SORCS3: variants seen among roughly 807,000 people sequenced by gnomAD.
The protein encoded by SORCS3 is VPS10 domain-containing receptor SorCS3.
SORCS3 carries 57 observed loss-of-function variants against 146.3 expected under a neutral mutation model. The observed-to-expected ratio is 0.39, with a 90% CI of 0.31 to 0.49. SORCS3 has a LOEUF of 0.49. Among genes scored for constraint, SORCS3 ranks in the 20% least tolerant of loss-of-function variants. The pLI is 0.92. For synonymous variants in SORCS3, 653 were observed against 618.5 expected (o/e 1.06, Z -0.83); for missense variants, 1,341 against 1,575.5 (o/e 0.85, Z 2.52).
At chr10:104,736,011 G>T (rs968392212) in intron 1 of SORCS3, among the ~76,000 whole-genome samples, 2 of 152,042 alleles carry the variant, frequency 1.3e-5, no homozygotes, top group East Asian at 1.9e-4. Context: ...GCAGAATGAG[G>T]CTCAGTTGAA....
chr10:104,767,718 C>T lies in SORCS3; in HGVS notation c.628-75074C>T, dbSNP rs150437316. Among the ~76,000 whole-genome samples, 280 of 139,172 alleles carry T rather than the reference C, an allele frequency of 2.0e-3. 2 individuals carry two copies. Among genetic ancestry groups the T allele is most frequent in the African/African-American group, 2.5e-3 (94 of 36,902 alleles). The allele number at this position is 139,172 out of a possible 152,430, so 91.3% of individuals were successfully genotyped here. A position where few individuals can be genotyped will look rare whatever the true frequency, so the allele number is the denominator to read the frequency against. ...TCCCACTTGCCTTCCTCTCCCCCTC[C>T]GCCTCCCCTCCCCTTTCCTCTCCTC... On this transcript the variant is annotated intron_variant, in intron 1 of 26. Transcript: ENST00000369701.
Position 104,650,459 on chromosome 10 carries a change from G to A in SORCS3, c.627+8505G>A, listed in dbSNP as rs559850969. Among the ~76,000 whole-genome samples, 3 of 152,254 alleles carry A rather than the reference G, an allele frequency of 2.0e-5. No individual in the cohort carries two copies. In the South Asian group the frequency reaches 6.2e-4, roughly 32 times the overall value. On this transcript the variant is annotated intron_variant, in intron 1 of 26. Coordinates refer to ENST00000369701, the MANE Select transcript of SORCS3 (RefSeq NM_014978.3). ...AGGACAGTTTTCAATCCTGGGGGGG[G>A]CTGATCATTCAGCCTCTTCCTACAG...
intron 1 of SORCS3, among the ~76,000 whole-genome samples, chr10:104,723,687 G>C (rs2016581731): frequency 6.6e-6 from 1 of 152,156 alleles, no homozygotes; most frequent in African/African-American, 2.4e-5. Flanking sequence ...TATATATTTA[G>C]GATAGTTAGC....
At chr10:104,800,430 C>G (rs753485066) in intron 1 of SORCS3, among the ~76,000 whole-genome samples, 6 of 151,988 alleles carry the variant, frequency 3.9e-5, no homozygotes, top group East Asian at 3.9e-4. Flanking sequence ...TTGTCAAAAC[C>G]AAAAGAATGC....
chr10:104,661,093 TAAAC>T (rs769348254), intron 1 of SORCS3, among the ~76,000 whole-genome samples: 6 of 152,230 alleles, frequency 3.9e-5, no homozygotes, highest in Non-Finnish European at 8.8e-5. Flanking sequence ...AAGAACCACT[TAAAC>T]AGTGACTTCC....
intron 7 of SORCS3, among the ~76,000 whole-genome samples, chr10:105,127,658 AT>A (rs1350683968): frequency 3.3e-5 from 5 of 152,182 alleles, no homozygotes; most frequent in African/African-American, 9.7e-5. Flanking sequence ...GAGTAAGAAC[AT>A]TATCTACCCT....
chr10:105,036,671 C>G (rs1416501212), intron 4 of SORCS3, among the ~76,000 whole-genome samples: 1 of 152,174 alleles, frequency 6.6e-6, no homozygotes, highest in Non-Finnish European at 1.5e-5. Context: ...TTGGAAAGGA[C>G]TCCCTGCTGC....
intron 8 of SORCS3, among the ~76,000 whole-genome samples, chr10:105,140,608 A>G (rs772248567): frequency 1.7e-4 from 26 of 152,322 alleles, no homozygotes; most frequent in Middle Eastern, 3.4e-3. Flanking sequence ...TTAAGTTGAT[A>G]CAAGAAAAAT....
chr10:105,053,928 G>A (rs1401775634), intron 5 of SORCS3, among the ~76,000 whole-genome samples: 4 of 151,842 alleles, frequency 2.6e-5, no homozygotes, highest in African/African-American at 7.3e-5. Flanking sequence ...AAATATTGTC[G>A]TGTCAAATCC....
At chr10:105,250,547 C>T (rs939025195) in intron 22 of SORCS3, among the ~76,000 whole-genome samples, 1 of 152,090 alleles carries the variant, frequency 6.6e-6, no homozygotes, top group African/African-American at 2.4e-5. Flanking sequence ...GGTGGACTGA[C>T]ACTCCCTGAC....
At chr10:104,989,356 C>T (rs2133661183) in intron 4 of SORCS3, among the ~76,000 whole-genome samples, 1 of 152,270 alleles carries the variant, frequency 6.6e-6, no homozygotes, top group African/African-American at 2.4e-5. Context: ...AATTATAGAA[C>T]ATTGACTTCT....
intron 5 of SORCS3, among the ~76,000 whole-genome samples, chr10:105,066,398 G>A (rs1224144299): frequency 1.3e-5 from 2 of 152,160 alleles, no homozygotes; most frequent in African/African-American, 4.8e-5. Context: ...TTTAGAGGTT[G>A]AGAGTTGGTT....
At chr10:104,879,638 C>T (rs1406861864) in intron 2 of SORCS3, among the ~76,000 whole-genome samples, 1 of 152,180 alleles carries the variant, frequency 6.6e-6, no homozygotes, top group Non-Finnish European at 1.5e-5. Flanking sequence ...ATTATGAGCC[C>T]ATTGACTGCC....
At chr10:104,878,236 C>T (rs1305468437) in intron 2 of SORCS3, among the ~76,000 whole-genome samples, 2 of 152,258 alleles carry the variant, frequency 1.3e-5, no homozygotes, top group East Asian at 1.9e-4. Flanking sequence ...ACAAGACATT[C>T]ATGGACCCTA....
intron 3 of SORCS3, among the ~76,000 whole-genome samples, chr10:104,948,994 T>C (rs530920492): frequency 2.0e-5 from 3 of 152,290 alleles, no homozygotes; most frequent in Admixed American, 6.5e-5. Flanking sequence ...AAGTCCACCA[T>C]CCAGAATATG....
chr10:104,810,540 G>A (rs1475948566), intron 1 of SORCS3, among the ~76,000 whole-genome samples: 1 of 152,132 alleles, frequency 6.6e-6, no homozygotes, highest in Non-Finnish European at 1.5e-5. Context: ...TTAATTATAT[G>A]ATTATTTGGC....
chr10:104,807,042 A>G (rs2133514703), intron 1 of SORCS3, among the ~76,000 whole-genome samples: 1 of 151,960 alleles, frequency 6.6e-6, no homozygotes, highest in East Asian at 1.9e-4. Flanking sequence ...AATGTAGCCC[A>G]AATGTTTTCT....
At chr10:104,662,383 T>A (rs1469468981) in intron 1 of SORCS3, among the ~76,000 whole-genome samples, 1 of 152,260 alleles carries the variant, frequency 6.6e-6, no homozygotes, top group Non-Finnish European at 1.5e-5. Flanking sequence ...GGTGACTCGA[T>A]GAAGTTTCTA....
At chr10:104,820,735 C>G (rs1170846555) in intron 1 of SORCS3, among the ~76,000 whole-genome samples, 2 of 152,140 alleles carry the variant, frequency 1.3e-5, no homozygotes, top group Non-Finnish European at 2.9e-5. Flanking sequence ...TAAAGAGACT[C>G]AACACTTGCT....
Sources: allele counts gnomAD v4.1 joint callset (sites outside exome capture counted in the v4.1 genomes callset), GRCh38; gene constraint gnomAD v4.1.1; transcripts MANE v1.5; gene names NCBI Gene and HGNC (gene_info 2026-07-23, HGNC 2026-07-21).